The following TMEM132D variants were observed in gnomAD, a reference collection of about 807,000 sequenced individuals.
The protein encoded by TMEM132D is transmembrane protein 132D.
Under a neutral mutation model 62.3 loss-of-function variants are expected in TMEM132D, and 21 were observed. The observed-to-expected ratio is 0.34, with a 90% CI of 0.24 to 0.49. TMEM132D has a LOEUF of 0.49. TMEM132D is among the 20% of genes least tolerant of loss of function. The pLI is 0.99. For synonymous variants in TMEM132D, 621 were observed against 575.6 expected (o/e 1.08, Z -1.13); for missense variants, 1,346 against 1,402.8 (o/e 0.96, Z 0.65).
In TMEM132D at chr12:129,807,008, T is replaced by C. The variant is rs1434165296; in HGVS notation, c.79+96253A>G. 3.9e-5 allele frequency among the ~76,000 whole-genome samples: 6 copies of C among 152,264 alleles called. No individual in the cohort carries two copies. The South Asian group carries it at 8.3e-4, about 21-fold the overall frequency. On this transcript the variant is annotated intron_variant, in intron 1 of 8. Coordinates refer to ENST00000422113, the MANE Select transcript of TMEM132D (RefSeq NM_133448.3). Reference sequence around the variant, plus strand: ...AAGACTGCACCACTGCACTTCAGCCTGGGCAACAGAGCAAGACCCTATCTA... The same window carrying C: ...AAGACTGCACCACTGCACTTCAGCCCGGGCAACAGAGCAAGACCCTATCTA...
At chr12:129,902,429 G>C (rs763098045) in intron 1 of TMEM132D, among the ~76,000 whole-genome samples, 1 of 152,202 alleles carries the variant, frequency 6.6e-6, no homozygotes, top group Non-Finnish European at 1.5e-5. Flanking sequence ...TCATGAGAAA[G>C]AATCTCCCGC....
chr12:129,197,565 T>C (rs938971293), intron 5 of TMEM132D, among the ~76,000 whole-genome samples: 2 of 152,204 alleles, frequency 1.3e-5, no homozygotes, highest in African/African-American at 4.8e-5. Flanking sequence ...CTTCGATAAA[T>C]GGCACTGGGA....
intron 4 of TMEM132D, among the ~76,000 whole-genome samples, chr12:129,244,217 C>G (rs1183819573): frequency 9.3e-6 from 1 of 107,266 alleles, no homozygotes; most frequent in Non-Finnish European, 2.0e-5. Context: ...AACCCCGTCT[C>G]TACTAAAAAT....
At chr12:129,768,345 G>T (rs1486498879) in intron 1 of TMEM132D, among the ~76,000 whole-genome samples, 2 of 152,042 alleles carry the variant, frequency 1.3e-5, no homozygotes, top group East Asian at 3.9e-4. Context: ...CATTATGCAA[G>T]GTTTCTGCTG....
intron 3 of TMEM132D, among the ~76,000 whole-genome samples, chr12:129,395,722 C>T (rs935627654): frequency 8.4e-5 from 8 of 95,112 alleles, no homozygotes; most frequent in Admixed American, 5.1e-4. Flanking sequence ...TCTACATCTA[C>T]ATACATGTAC....
intron 2 of TMEM132D, among the ~76,000 whole-genome samples, chr12:129,563,900 C>T (rs1190313303): frequency 6.6e-6 from 1 of 152,054 alleles, no homozygotes; most frequent in South Asian, 2.1e-4. Flanking sequence ...CTGCATTGTG[C>T]CAGATAAATG....
Position 129,082,424 on chromosome 12 carries a change from G to A in TMEM132D, c.1650-392C>T, listed in dbSNP as rs1295210430. Among the ~76,000 whole-genome samples the A allele has an allele frequency of 3.3e-5, 5 of 152,202 alleles. No homozygotes were observed. In the East Asian group the frequency reaches 9.6e-4, roughly 29 times the overall value. Reference sequence around the variant, plus strand: ...AGCCTGTGACTTCTGTCTTGCTTGTGTTTTCTTTCCTTGGTTCTTTGCAGT... The same window carrying A: ...AGCCTGTGACTTCTGTCTTGCTTGTATTTTCTTTCCTTGGTTCTTTGCAGT... On this transcript the variant is annotated intron_variant, in intron 6 of 8. Transcript: ENST00000422113.
At chr12:129,306,667 A>G (rs1364253813) in intron 4 of TMEM132D, among the ~76,000 whole-genome samples, 2 of 152,236 alleles carry the variant, frequency 1.3e-5, no homozygotes, top group African/African-American at 2.4e-5. Flanking sequence ...GTGGTCCTAC[A>G]GCAGAGAAGT....
rs138432738 is a variant in TMEM132D, at chr12:129,744,413, T to C, written c.80-43715A>G. Among the ~76,000 whole-genome samples, 1,337 of 152,176 alleles carry C rather than the reference T, an allele frequency of 8.8e-3. 20 individuals carry two copies. The highest frequency in any genetic ancestry group is 0.031 in the African/African-American group (1,268 of 41,522). On this transcript the variant is annotated intron_variant, in intron 1 of 8. Transcript: ENST00000422113. ...ATTAAAAGTGGGTGTGGGAAGGAGA[T>C]TTCATATTGCCCCAGCTGGAGCAGA...
chr12:129,075,151 T>C, intron 8 of TMEM132D, 92 bp from the exon 9 acceptor site: 1 of 997,012 alleles, frequency 1.0e-6, no homozygotes, highest in Non-Finnish European at 1.5e-6. Flanking sequence ...GGCAAAACTA[T>C]TGCTACAAGA....
chr12:129,151,804 C>A (rs568543965), intron 5 of TMEM132D, among the ~76,000 whole-genome samples: 4 of 151,804 alleles, frequency 2.6e-5, no homozygotes, highest in Admixed American at 2.0e-4. Flanking sequence ...GGTTCCTCTG[C>A]GAATATTTGT....
At chr12:129,288,283 T>C (rs1161159062) in intron 4 of TMEM132D, among the ~76,000 whole-genome samples, 1 of 151,870 alleles carries the variant, frequency 6.6e-6, no homozygotes, top group Non-Finnish European at 1.5e-5. Context: ...AGAAGAAAAA[T>C]AAACAGAGGA....
intron 4 of TMEM132D, among the ~76,000 whole-genome samples, chr12:129,270,645 TTG>T (rs964273931): frequency 4.6e-5 from 7 of 151,416 alleles, no homozygotes; most frequent in Non-Finnish European, 7.4e-5. Flanking sequence ...AAGTTCCATA[TTG>T]TGTGTGTGTG....
At chr12:129,097,817 T>C (rs141392227) in intron 5 of TMEM132D, among the ~76,000 whole-genome samples, 2,339 of 152,358 alleles carry the variant, frequency 0.015, 79 homozygotes, top group African/African-American at 0.053. Flanking sequence ...ATAATTCTTA[T>C]GTCAAAAACA....
chr12:129,230,846 G>T (rs74748911), intron 4 of TMEM132D, among the ~76,000 whole-genome samples: 3,686 of 152,284 alleles, frequency 0.024, 144 homozygotes, highest in African/African-American at 0.085. Context: ...TGCCCTAGTT[G>T]CTCAATCTGA....
chr12:129,322,441 A>T (rs1409017822), intron 4 of TMEM132D, among the ~76,000 whole-genome samples: 1 of 152,182 alleles, frequency 6.6e-6, no homozygotes, highest in Non-Finnish European at 1.5e-5. Context: ...TGTTTTGTGA[A>T]GAGGCTGCAT....
At chr12:129,902,212 C>T (rs1161453771) in intron 1 of TMEM132D, among the ~76,000 whole-genome samples, 1 of 152,166 alleles carries the variant, frequency 6.6e-6, no homozygotes, top group Non-Finnish European at 1.5e-5. Context: ...ACAGACAATT[C>T]ATGTAATTAA....
chr12:129,898,279 G>A (rs1179397288), intron 1 of TMEM132D, among the ~76,000 whole-genome samples: 1 of 152,102 alleles, frequency 6.6e-6, no homozygotes, highest in African/African-American at 2.4e-5. Context: ...ATTGTATTGA[G>A]CCCCTGCAAT....
rs1877444457 is a variant in TMEM132D, at chr12:129,163,028, A to G, written c.1443+46492T>C. ...GCTGCAAGGTGCAACAGCAGCAGGGAACCTCCGACACCACGTCCTGGGGGT... is the reference window on the plus strand; with the variant it reads ...GCTGCAAGGTGCAACAGCAGCAGGGGACCTCCGACACCACGTCCTGGGGGT... On this transcript the variant is annotated intron_variant, in intron 5 of 8. Transcript: ENST00000422113. Among the ~76,000 whole-genome samples, 6 of 152,292 alleles carry G rather than the reference A, an allele frequency of 3.9e-5. No individual in the cohort carries two copies. The South Asian group carries it at 1.2e-3, about 32-fold the overall frequency.
Sources: allele counts gnomAD v4.1 joint callset (sites outside exome capture counted in the v4.1 genomes callset), GRCh38; gene constraint gnomAD v4.1.1; transcripts MANE v1.5; gene names NCBI Gene and HGNC (gene_info 2026-07-23, HGNC 2026-07-21).